MYO1D: variants seen among roughly 807,000 people sequenced by gnomAD.
MYO1D encodes the protein myosin ID.
MYO1D carries 83 observed loss-of-function variants against 122.0 expected under a neutral mutation model. The observed-to-expected ratio is 0.68, with a 90% CI of 0.57 to 0.82. MYO1D has a LOEUF of 0.82. MYO1D is among the 40% of genes least tolerant of loss of function. The pLI is 0.00. For synonymous variants in MYO1D, 464 were observed against 446.9 expected (o/e 1.04, Z -0.48); for missense variants, 1,157 against 1,269.5 (o/e 0.91, Z 1.35).
intron 1 of MYO1D, among the ~76,000 whole-genome samples, chr17:32,872,330 T>C (rs1014779573): frequency 2.0e-5 from 3 of 151,822 alleles, no homozygotes; most frequent in African/African-American, 7.3e-5. Context: ...TGGAGGGCAA[T>C]GGCGCAATCT....
chr17:32,505,778 A>G (rs1356448841), intron 21 of MYO1D: 1 of 152,272 alleles, frequency 6.6e-6, no homozygotes, highest in Non-Finnish European at 1.5e-5. Context: ...AAGAATACCC[A>G]GAGAGAAAAG....
chr17:32,593,965 T>C (rs1245762160), intron 21 of MYO1D, among the ~76,000 whole-genome samples: 1 of 152,168 alleles, frequency 6.6e-6, no homozygotes, highest in South Asian at 2.1e-4. Flanking sequence ...CAGTTATATA[T>C]ATTAAAAGCA....
At chr17:32,789,270 T>C (rs1336593631) in intron 1 of MYO1D, among the ~76,000 whole-genome samples, 1 of 152,200 alleles carries the variant, frequency 6.6e-6, no homozygotes, top group East Asian at 1.9e-4. Flanking sequence ...CTTTCTCTTG[T>C]CTGATTGCTC....
chr17:32,803,934 A>G (rs2090483612), intron 1 of MYO1D, among the ~76,000 whole-genome samples: 1 of 152,198 alleles, frequency 6.6e-6, no homozygotes, highest in Non-Finnish European at 1.5e-5. Context: ...TAAATTTTGT[A>G]AATTGTTTTA....
At chr17:32,692,811 A>G (rs936816555) in intron 16 of MYO1D, among the ~76,000 whole-genome samples, 10 of 152,218 alleles carry the variant, frequency 6.6e-5, no homozygotes, top group African/African-American at 2.4e-4. Context: ...TGGCATCTAC[A>G]GCAAACAGGA....
At chr17:32,596,710 A>G (rs1313591209) in intron 21 of MYO1D, among the ~76,000 whole-genome samples, 1 of 152,254 alleles carries the variant, frequency 6.6e-6, no homozygotes, top group Non-Finnish European at 1.5e-5. Flanking sequence ...AACAGGAAAA[A>G]TAAGAAATTT....
intron 8 of MYO1D, among the ~76,000 whole-genome samples, chr17:32,763,047 G>A (rs1368098385): frequency 3.3e-5 from 5 of 151,302 alleles, no homozygotes; most frequent in Admixed American, 6.6e-5. Flanking sequence ...TTAGCTGGGC[G>A]TGGTGGCGGT....
At chr17:32,875,395 A>G (rs541703370) in intron 1 of MYO1D, among the ~76,000 whole-genome samples, 17 of 152,340 alleles carry the variant, frequency 1.1e-4, no homozygotes, top group African/African-American at 3.6e-4. Flanking sequence ...AAGTATGTAT[A>G]CACATATTAT....
chr17:32,831,655 A>T (rs2090772307), intron 1 of MYO1D, among the ~76,000 whole-genome samples: 1 of 152,270 alleles, frequency 6.6e-6, no homozygotes, highest in Admixed American at 6.5e-5. Context: ...ATGCAATACA[A>T]AGTAATAACC....
intron 20 of MYO1D, among the ~76,000 whole-genome samples, chr17:32,622,703 C>T (rs967697924): frequency 2.0e-5 from 3 of 152,130 alleles, no homozygotes; most frequent in South Asian, 2.1e-4. Flanking sequence ...TGACTTCATC[C>T]GACTCTGATT....
At chr17:32,752,107 G>A (rs1488646671) in intron 11 of MYO1D, among the ~76,000 whole-genome samples, 1 of 152,046 alleles carries the variant, frequency 6.6e-6, no homozygotes, top group East Asian at 1.9e-4. Context: ...ACAACAGAGA[G>A]CCCAGAAATA....
chr17:32,791,143 C>T (rs1419503015), intron 1 of MYO1D, among the ~76,000 whole-genome samples: 2 of 152,058 alleles, frequency 1.3e-5, no homozygotes, highest in African/African-American at 4.8e-5. Context: ...GTGGGTGGAT[C>T]ACCTGAAGTC....
chr17:32,808,751 G>A lies in MYO1D; in HGVS notation c.96-27967C>T, dbSNP rs549910934. On this transcript the variant is annotated intron_variant, in intron 1 of 21. Transcript: ENST00000318217. The stretch of plus-strand genomic sequence containing the variant: ...TTTTTCCACCATGTAATAATACAAT[G>A]AGAGGGTGGCAGTCTGCAACCCAGC... Among the ~76,000 whole-genome samples, 6 of 152,276 alleles carry A rather than the reference G, an allele frequency of 3.9e-5. No individual in the cohort carries two copies. In the South Asian group the frequency reaches 1.0e-3, roughly 26 times the overall value.
At chr17:32,842,789 T>G (rs1382172291) in intron 1 of MYO1D, among the ~76,000 whole-genome samples, 1 of 152,138 alleles carries the variant, frequency 6.6e-6, no homozygotes, top group Non-Finnish European at 1.5e-5. Flanking sequence ...GGAAAGTCTC[T>G]AAGATTCTAC....
At chr17:32,763,185 CAAA>C (rs72030561) in intron 8 of MYO1D, among the ~76,000 whole-genome samples, 3 of 134,076 alleles carry the variant, frequency 2.2e-5, no homozygotes, top group African/African-American at 5.4e-5. Flanking sequence ...GACTCCATCT[CAAA>C]AAAAAAAAAA....
At chr17:32,539,221 C>T (rs1369480551) in intron 21 of MYO1D, among the ~76,000 whole-genome samples, 1 of 148,088 alleles carries the variant, frequency 6.8e-6, no homozygotes, top group Middle Eastern at 3.5e-3. Flanking sequence ...GCAGGAGGAT[C>T]GTTTGAGCCC....
intron 19 of MYO1D, among the ~76,000 whole-genome samples, chr17:32,650,149 G>GA (rs1206709904): frequency 9.2e-5 from 14 of 152,084 alleles, no homozygotes; most frequent in African/African-American, 3.4e-4. Flanking sequence ...AGATATGTCT[G>GA]AAAAAGTCTT....
intron 1 of MYO1D, among the ~76,000 whole-genome samples, chr17:32,791,948 T>C (rs1174878544): frequency 6.6e-6 from 1 of 152,250 alleles, no homozygotes; most frequent in Non-Finnish European, 1.5e-5. Flanking sequence ...AGTTGTTGTT[T>C]TTGAATGAAT....
Position 32,738,303 on chromosome 17 carries a change from T to C in MYO1D, c.1696A>G (p.Thr566Ala), listed in dbSNP as rs775774434. 1 of 1,610,542 alleles carries C rather than the reference T, an allele frequency of 6.2e-7. No homozygotes were observed. Among genetic ancestry groups the C allele is most frequent in the African/African-American group, 1.3e-5 (1 of 74,872 alleles). Residue 566 changes from threonine (T) to alanine (A), a missense_variant, in exon 14 of 22, where the codon ACC (threonine) becomes GCC (alanine). Coordinates refer to ENST00000318217, the MANE Select transcript of MYO1D (RefSeq NM_015194.3). The part of the protein sequence containing the change: ...EVTKRPLTAA[T>A]LFKNSMIALV... ...GCAATCATAGAATTCTTAAACAAGG[T>C]AGCAGCAGTCAGAGGTCGCTTGGTC...
Sources: allele counts gnomAD v4.1 joint callset (sites outside exome capture counted in the v4.1 genomes callset), GRCh38; gene constraint gnomAD v4.1.1; transcripts MANE v1.5; gene names NCBI Gene and HGNC (gene_info 2026-07-23, HGNC 2026-07-21).